Variants in RPRD1B observed in about 807,000 individuals in gnomAD.
RPRD1B encodes regulation of nuclear pre-mRNA domain-containing protein 1B.
In RPRD1B, 11 loss-of-function variants were observed where a neutral mutation model predicts 41.5. That is an observed-to-expected ratio of 0.27 (90% CI 0.17 to 0.44). The LOEUF (loss-of-function observed/expected upper bound fraction) is 0.44. Among genes scored for constraint, RPRD1B ranks in the 20% least tolerant of loss-of-function variants. The pLI is 1.00. For synonymous variants in RPRD1B, 158 were observed against 155.6 expected (o/e 1.02, Z -0.12); for missense variants, 248 against 389.9 (o/e 0.64, Z 3.06).
chr20:38,060,674 T>C (rs1191946314), intron 5 of RPRD1B, among the ~76,000 whole-genome samples: 1 of 152,124 alleles, frequency 6.6e-6, no homozygotes, highest in Non-Finnish European at 1.5e-5. Context: ...GCGTACTGGG[T>C]TGGAGAACAC....
chr20:38,044,940 A>T (rs1008822820), intron 2 of RPRD1B, among the ~76,000 whole-genome samples: 8 of 152,140 alleles, frequency 5.3e-5, no homozygotes, highest in African/African-American at 1.9e-4. Context: ...GAGTTGTACA[A>T]ATTACTGTGG....
At chr20:38,084,063 A>AGAGGCT (rs1480180754) in intron 6 of RPRD1B, 1 of 152,202 alleles carries the variant, frequency 6.6e-6, no homozygotes, top group Non-Finnish European at 1.5e-5. Flanking sequence ...TTGTGGTTTA[A>AGAGGCT]GAGGCTGTGC....
Position 38,033,928 on chromosome 20 carries a change from C to T in RPRD1B, c.-20C>T. On this transcript the variant is annotated 5_prime_UTR_variant, in exon 1 of 7. Transcript: ENST00000373433. ...CTGGGCGGCCCAGGCCGCTCCCTGC[C>T]GGGCCTCACTGCCGCCACCATGTCC... 6.3e-7 allele frequency: 1 copy of T among 1,598,352 alleles called. No homozygotes were observed. The highest frequency in any genetic ancestry group is 8.5e-7 in the Non-Finnish European group (1 of 1,171,706).
intron 6 of RPRD1B, among the ~76,000 whole-genome samples, chr20:38,076,216 G>A (rs903724601): frequency 5.9e-5 from 9 of 152,158 alleles, no homozygotes; most frequent in Non-Finnish European, 4.4e-5. Context: ...ATGATGATCT[G>A]CTTTGCATAT....
intron 6 of RPRD1B, among the ~76,000 whole-genome samples, chr20:38,066,849 G>A (rs1267668364): frequency 6.6e-6 from 1 of 152,026 alleles, no homozygotes; most frequent in Non-Finnish European, 1.5e-5. Flanking sequence ...TAGGGACGGG[G>A]TTTCACCATG....
At chr20:38,047,557 T>C (rs925238292) in intron 2 of RPRD1B, among the ~76,000 whole-genome samples, 2 of 152,138 alleles carry the variant, frequency 1.3e-5, no homozygotes, top group African/African-American at 4.8e-5. Context: ...TAACAGTGCA[T>C]GGTGACTGAA....
intron 3 of RPRD1B, among the ~76,000 whole-genome samples, chr20:38,050,996 A>G (rs2074179505): frequency 6.6e-6 from 1 of 152,156 alleles, no homozygotes; most frequent in African/African-American, 2.4e-5. Flanking sequence ...GTCCTTTTAT[A>G]TTCCAGCTTT....
intron 6 of RPRD1B, 69 bp from the exon 7 acceptor site, chr20:38,089,657 G>A (rs3746466): frequency 0.17 from 224,087 of 1,318,774 alleles, 21,565 homozygotes; most frequent in African/African-American, 0.37. Flanking sequence ...GTAGCTGCCC[G>A]GCTCCAGCAG....
rs1392612330 is a variant in RPRD1B, at chr20:38,066,175, C to T, written c.750C>T (p.Asp250=). The T allele has an allele frequency of 1.2e-6, 2 of 1,614,022 alleles. No individual in the cohort carries two copies. Among genetic ancestry groups the T allele is most frequent in the Non-Finnish European group, 1.7e-6 (2 of 1,180,038 alleles). Residue 250 remains aspartate (D), a synonymous_variant, in exon 6 of 7, where the codon GAC becomes GAT. Coordinates refer to ENST00000373433, the MANE Select transcript of RPRD1B (RefSeq NM_021215.4). The part of the protein sequence containing the change: ...YNGRLAAELE[D]RRQLARMLVE... The stretch of plus-strand genomic sequence containing the variant: ...GGCGCCTGGCAGCAGAACTGGAGGA[C>T]CGTCGCCAGCTGGCTCGGATGTTGG...
Position 38,090,841 on chromosome 20 carries a change from C to T in RPRD1B, c.*966C>T, listed in dbSNP as rs530902860. ...GCTGTCTGGGTGCATGTCCACAGTACGGTGGCTAAACTCGAACATCACTGC... is the reference window on the plus strand; with the variant it reads ...GCTGTCTGGGTGCATGTCCACAGTATGGTGGCTAAACTCGAACATCACTGC... On this transcript the variant is annotated 3_prime_UTR_variant, in exon 7 of 7. Transcript: ENST00000373433. 1.5e-4 allele frequency: 151 copies of T among 985,472 alleles called. No individual in the cohort carries two copies. Among genetic ancestry groups the T allele is most frequent in the Non-Finnish European group, 1.8e-4 (147 of 829,956 alleles). The allele number at this position is 985,472 out of a possible 1,614,324, so 61.0% of individuals were successfully genotyped here.
chr20:38,089,593 T>C (rs899639100), intron 6 of RPRD1B, 133 bp from the exon 7 acceptor site: 13 of 682,594 alleles, frequency 1.9e-5, no homozygotes, highest in South Asian at 1.5e-4. Flanking sequence ...CTTTGTGATA[T>C]AGCTGAACAG....
At chr20:38,049,740 T>A (rs1270259962) in intron 3 of RPRD1B, 2 of 471,106 alleles carry the variant, frequency 4.2e-6, no homozygotes, top group Non-Finnish European at 8.8e-6. Flanking sequence ...GGTTTAATTC[T>A]AGTTGGCATG....
chr20:38,070,296 A>C, intron 6 of RPRD1B: 1 of 985,452 alleles, frequency 1.0e-6, no homozygotes, highest in Non-Finnish European at 1.2e-6. Flanking sequence ...AATGCTGCTG[A>C]AAATCTGTGG....
At position 38,090,902 on chromosome 20, in the gene RPRD1B, C is replaced by T. The variant is rs751152537; in HGVS notation, c.*1027C>T. 8 of 984,676 alleles carry T rather than the reference C, an allele frequency of 8.1e-6. No individual in the cohort carries two copies. Among genetic ancestry groups the T allele is most frequent in the South Asian group, 4.7e-5 (1 of 21,254 alleles). The allele number at this position is 984,676 out of a possible 1,614,324, so 61.0% of individuals were successfully genotyped here. A position where few individuals can be genotyped will look rare whatever the true frequency, so the allele number is the denominator to read the frequency against. ...CTGAGCAGGTCCGTCTGTCATGTCA[C>T]GCCACTGCACAGGTCCTTGTCCCCA... On this transcript the variant is annotated 3_prime_UTR_variant, in exon 7 of 7. Coordinates refer to ENST00000373433, the MANE Select transcript of RPRD1B (RefSeq NM_021215.4).
intron 3 of RPRD1B, chr20:38,048,738 C>G: frequency 3.3e-6 from 1 of 300,208 alleles, no homozygotes; most frequent in Non-Finnish European, 4.9e-6. Context: ...CTTTCAGAGA[C>G]TTTCCTTGCA....
At chr20:38,066,696 C>T (rs1298461035) in intron 6 of RPRD1B, among the ~76,000 whole-genome samples, 1 of 152,134 alleles carries the variant, frequency 6.6e-6, no homozygotes, top group African/African-American at 2.4e-5. Flanking sequence ...CGCTCCGTCG[C>T]CCAGGCTGGA....
In RPRD1B at chr20:38,090,625, T is replaced by C. The variant is rs1234756498; in HGVS notation, c.*750T>C. On this transcript the variant is annotated 3_prime_UTR_variant, in exon 7 of 7. Transcript: ENST00000373433. ...ACCTTCCCATGCTGCACTTCTCCAC[T>C]GTCGGAGCACGTTCCGAAAAACAGA... The C allele has an allele frequency of 2.0e-6, 2 of 985,374 alleles. No individual in the cohort carries two copies. Among genetic ancestry groups the C allele is most frequent in the African/African-American group, 3.5e-5 (2 of 57,252 alleles). 61.0% of individuals were successfully genotyped at this position (985,374 alleles called of 1,614,324 possible). A position where few individuals can be genotyped will look rare whatever the true frequency, so the allele number is the denominator to read the frequency against.
chr20:38,050,288 C>T (rs1469509552), intron 3 of RPRD1B, among the ~76,000 whole-genome samples: 1 of 152,216 alleles, frequency 6.6e-6, no homozygotes, highest in Non-Finnish European at 1.5e-5. Context: ...GACATAAGTG[C>T]TTTCAGACTG....
chr20:38,090,410 A>G lies in RPRD1B; in HGVS notation c.*535A>G, dbSNP rs2074603070. The G allele has an allele frequency of 1.0e-6, 1 of 985,994 alleles. No individual in the cohort carries two copies. Among genetic ancestry groups the G allele is most frequent in the Non-Finnish European group, 1.2e-6 (1 of 830,152 alleles). 61.1% of individuals were successfully genotyped at this position (985,994 alleles called of 1,614,324 possible). On this transcript the variant is annotated 3_prime_UTR_variant, in exon 7 of 7. Transcript: ENST00000373433. ...CCATAAAGAGTTTGCCAAATCTCTG[A>G]TCCTCCCTTTCCATTGCTTCTCCTA...
Sources: allele counts gnomAD v4.1 joint callset (sites outside exome capture counted in the v4.1 genomes callset), GRCh38; gene constraint gnomAD v4.1.1; transcripts MANE v1.5; gene names NCBI Gene and HGNC (gene_info 2026-07-23, HGNC 2026-07-21).